The following HELZ variants were observed in gnomAD, a reference collection of about 807,000 sequenced individuals.
HELZ encodes the protein ATP-dependent RNA helicase with zinc finger domain.
In HELZ, 23 loss-of-function variants were observed where a neutral mutation model predicts 218.2. The ratio of observed to expected loss-of-function variants is 0.11; its 90% CI spans 0.08 to 0.15. The LOEUF is 0.15. Ranked by LOEUF, HELZ falls within the 10% of genes least tolerant of loss-of-function variation. The pLI, the probability that HELZ is intolerant of heterozygous loss-of-function variation, is 1.00. For synonymous variants in HELZ, 814 were observed against 829.4 expected (o/e 0.98, Z 0.32); for missense variants, 1,813 against 2,353.7 (o/e 0.77, Z 4.75).
At chr17:67,116,253 AAGG>A (rs1261469577) in intron 27 of HELZ, among the ~76,000 whole-genome samples, 3 of 152,238 alleles carry the variant, frequency 2.0e-5, no homozygotes, top group South Asian at 4.1e-4. Flanking sequence ...GGCAGAATAA[AAGG>A]AGAAGGCGGA....
At chr17:67,230,595 C>CAAAAAAAA (rs376918246) in intron 3 of HELZ, among the ~76,000 whole-genome samples, 2 of 111,414 alleles carry the variant, frequency 1.8e-5, no homozygotes, top group African/African-American at 3.7e-5. Context: ...GACTCCATCT[C>CAAAAAAAA]AAAAAAAAAA....
chr17:67,115,369 G>A (rs2037397757), intron 27 of HELZ, among the ~76,000 whole-genome samples: 1 of 151,950 alleles, frequency 6.6e-6, no homozygotes. Context: ...AACAGTGGTA[G>A]GGGCAACACA....
intron 23 of HELZ, 82 bp from the exon 24 acceptor site, chr17:67,128,937 C>G (rs2037888972): frequency 9.6e-7 from 1 of 1,046,748 alleles, no homozygotes; most frequent in Admixed American, 1.9e-5. Flanking sequence ...AAGATAATCT[C>G]AAATTCCACC....
At chr17:67,111,784 A>ACCTG (rs3837811) in intron 28 of HELZ, among the ~76,000 whole-genome samples, 74,258 of 151,620 alleles carry the variant, frequency 0.49, 19,009 homozygotes, top group East Asian at 0.88. Flanking sequence ...ATGTCTCAGA[A>ACCTG]CCTGATTAAG....
chr17:67,130,171 A>G (rs1324385534), intron 23 of HELZ, among the ~76,000 whole-genome samples: 2 of 152,066 alleles, frequency 1.3e-5, no homozygotes, highest in African/African-American at 2.4e-5. Flanking sequence ...GATACTGGAG[A>G]TTCAGAAGGT....
At chr17:67,185,679 C>T (rs2039734579) in intron 12 of HELZ, among the ~76,000 whole-genome samples, 1 of 152,074 alleles carries the variant, frequency 6.6e-6, no homozygotes, top group South Asian at 2.1e-4. Context: ...GTTATTTCTC[C>T]TTTGTCTTTA....
chr17:67,152,424 G>A (rs902330473), intron 17 of HELZ, among the ~76,000 whole-genome samples: 2 of 152,062 alleles, frequency 1.3e-5, no homozygotes, highest in Non-Finnish European at 2.9e-5. Context: ...CAACAATAGA[G>A]ATATGAAAAT....
chr17:67,135,915 G>A (rs1168935754), intron 23 of HELZ, 55 bp downstream of exon 23: 4 of 1,360,402 alleles, frequency 2.9e-6, no homozygotes, highest in Non-Finnish European at 4.1e-6. Flanking sequence ...TACACATAGG[G>A]ATACAAATCA....
intron 3 of HELZ, among the ~76,000 whole-genome samples, chr17:67,237,369 G>A (rs1280597821): frequency 2.0e-5 from 3 of 152,076 alleles, no homozygotes; most frequent in Non-Finnish European, 4.4e-5. Flanking sequence ...TAACCAATCA[G>A]CAAGTAGTCA....
At chr17:67,086,473 T>TG (rs1028868154) in intron 32 of HELZ, among the ~76,000 whole-genome samples, 2 of 150,918 alleles carry the variant, frequency 1.3e-5, no homozygotes, top group East Asian at 1.9e-4. Context: ...CCCAGCTACT[T>TG]GGGGGGCTGA....
intron 13 of HELZ, among the ~76,000 whole-genome samples, chr17:67,175,209 A>T (rs1409258164): frequency 2.6e-5 from 4 of 152,184 alleles, no homozygotes; most frequent in Admixed American, 2.0e-4. Context: ...ATAGCCCTTA[A>T]CTGACAGTGG....
chr17:67,240,167 TGGTA>T (rs1482190239), intron 2 of HELZ, among the ~76,000 whole-genome samples: 1 of 152,246 alleles, frequency 6.6e-6, no homozygotes, highest in Non-Finnish European at 1.5e-5. Flanking sequence ...CTTAAGCTGA[TGGTA>T]GTTTATCATT....
At chr17:67,167,821 T>C in intron 13 of HELZ, 25 bp from the exon 14 acceptor site, 7 of 1,443,384 alleles carry the variant, frequency 4.8e-6, no homozygotes, top group Non-Finnish European at 5.7e-6. Context: ...GAAAACTAGT[T>C]TGAATATTTT....
chr17:67,244,758 C>A (rs1044046509), intron 1 of HELZ: 33 of 984,730 alleles, frequency 3.4e-5, no homozygotes, highest in Non-Finnish European at 3.7e-5. Flanking sequence ...GCACGCTCCC[C>A]ACCCCCAGCC....
chr17:67,116,893 T>C (rs1238277532), intron 27 of HELZ, among the ~76,000 whole-genome samples: 1 of 152,228 alleles, frequency 6.6e-6, no homozygotes, highest in African/African-American at 2.4e-5. Flanking sequence ...TTCGCTCTTG[T>C]TGCCCAGGCT....
intron 21 of HELZ, among the ~76,000 whole-genome samples, chr17:67,144,799 C>T (rs754718218): frequency 6.6e-6 from 1 of 152,004 alleles, no homozygotes; most frequent in African/African-American, 2.4e-5. Context: ...AGTGCAAAAA[C>T]GATAAAGGAG....
chr17:67,126,181 CAT>C (rs1419271704), intron 24 of HELZ, among the ~76,000 whole-genome samples: 1 of 152,196 alleles, frequency 6.6e-6, no homozygotes, highest in African/African-American at 2.4e-5. Context: ...ACATCTGACT[CAT>C]ATAATTGCCA....
At chr17:67,120,000 T>TTTTC in intron 27 of HELZ, 1 of 336,754 alleles carries the variant, frequency 3.0e-6, no homozygotes, top group Non-Finnish European at 5.4e-6. Context: ...TTTCTTTTTT[T>TTTTC]TTTTTTTTTT....
chr17:67,244,538 T>G (rs1025632565), intron 1 of HELZ: 1 of 929,526 alleles, frequency 1.1e-6, no homozygotes, highest in African/African-American at 1.8e-5. Context: ...ATCTTTATTT[T>G]TGTTGATGTG....
Sources: allele counts gnomAD v4.1 joint callset (sites outside exome capture counted in the v4.1 genomes callset), GRCh38; gene constraint gnomAD v4.1.1; transcripts MANE v1.5; gene names NCBI Gene and HGNC (gene_info 2026-07-23, HGNC 2026-07-21).